AMMECR1: variants seen among roughly 807,000 people sequenced by gnomAD.
AMMECR1 encodes the protein AMMECR nuclear protein 1, also known as nuclear protein AMMECR1.
In AMMECR1, 3 loss-of-function variants were observed where a neutral mutation model predicts 22.5. That is an observed-to-expected ratio of 0.13 (90% CI 0.06 to 0.35). AMMECR1 has a LOEUF of 0.35. AMMECR1 is among the 10% of genes least tolerant of loss of function. The probability of loss-of-function intolerance (pLI) is 1.00; values close to 1 mark genes in which losing one functional copy is unlikely to be tolerated. For missense variants in AMMECR1, 235 were observed against 278.7 expected (o/e 0.84, Z 1.12); for synonymous variants, 130 against 116.7 (o/e 1.11, Z -0.74).
At chrX:110,382,326 G>GAAA (rs367625900) in intron 2 of AMMECR1, among the ~76,000 whole-genome samples, 2 of 105,461 alleles carry the variant, frequency 1.9e-5, no homozygotes, top group African/African-American at 6.9e-5. Context: ...AATTGTACAG[G>GAAA]AAAAAAAAAA....
chrX:110,313,942 G>A (rs2068035864), intron 1 of AMMECR1, among the ~76,000 whole-genome samples: 1 of 111,755 alleles, frequency 8.9e-6, no homozygotes, highest in Admixed American at 9.5e-5. Context: ...TCTCTCTCCA[G>A]AGGTTCTCAA....
At chrX:110,291,576 T>C (rs1167105895) in intron 1 of AMMECR1, among the ~76,000 whole-genome samples, 1 of 110,764 alleles carries the variant, frequency 9.0e-6, no homozygotes, top group Non-Finnish European at 1.9e-5. Context: ...TTGGGAGAGG[T>C]GATGACGGTT....
intron 1 of AMMECR1, among the ~76,000 whole-genome samples, chrX:110,438,311 A>G (rs989507263): frequency 8.9e-6 from 1 of 111,822 alleles, no homozygotes; most frequent in East Asian, 2.8e-4. Flanking sequence ...TTGGGAGCGG[A>G]TGGAGAGATT....
intron 2 of AMMECR1, among the ~76,000 whole-genome samples, chrX:110,395,188 C>T (rs1365051419): frequency 8.9e-6 from 1 of 112,239 alleles, no homozygotes; most frequent in Non-Finnish European, 1.9e-5. Flanking sequence ...CCTCTAAATT[C>T]CGAGGGTGCC....
rs148264633 is a variant in AMMECR1, at chrX:110,407,576, C to T, written c.-148+19082G>A. On this transcript the variant is annotated intron_variant, in intron 2 of 7. Transcript: ENST00000372057. ...TTTTCCAGGTGAGCAAACTGCAGCT[C>T]AGAGAGTCTAAGTGAATTTCTTTGT... Among the ~76,000 whole-genome samples, 405 of 112,316 alleles carry T rather than the reference C, an allele frequency of 3.6e-3. 1 individual carries two copies. Among genetic ancestry groups the T allele is most frequent in the South Asian group, 7.9e-3 (21 of 2,675 alleles).
upstream of AMMECR1, chrX:110,318,109 T>C: frequency 4.6e-6 from 5 of 1,081,503 alleles, no homozygotes; most frequent in East Asian, 3.6e-5. Context: ...TTCCGACCCA[T>C]AAGTGAGGCG....
chrX:110,266,488 T>C (rs2067769389), intron 1 of AMMECR1, among the ~76,000 whole-genome samples: 1 of 110,713 alleles, frequency 9.0e-6, no homozygotes, highest in South Asian at 3.9e-4. Flanking sequence ...GTTCAAGCAA[T>C]TCTCCTGCCT....
chrX:110,298,626 T>C (rs976824992), intron 1 of AMMECR1, among the ~76,000 whole-genome samples: 1 of 111,413 alleles, frequency 9.0e-6, no homozygotes, highest in Non-Finnish European at 1.9e-5. Context: ...TATGAGACTC[T>C]GGGTTTAGGA....
upstream of AMMECR1, among the ~76,000 whole-genome samples, chrX:110,320,558 C>T (rs749816906): frequency 1.8e-5 from 2 of 112,003 alleles, no homozygotes; most frequent in South Asian, 7.4e-4. Flanking sequence ...AAGAGTCTAA[C>T]GCCCCTACTC....
At chrX:110,414,144 TTCC>T (rs2068660831) in intron 2 of AMMECR1, among the ~76,000 whole-genome samples, 1 of 112,275 alleles carries the variant, frequency 8.9e-6, no homozygotes, top group Admixed American at 9.4e-5. Flanking sequence ...AACTGACAGT[TTCC>T]TCCTCTGTGC....
At chrX:110,215,672 T>C (rs1003039271) in intron 3 of AMMECR1, among the ~76,000 whole-genome samples, 1 of 112,358 alleles carries the variant, frequency 8.9e-6, no homozygotes, top group African/African-American at 3.2e-5. Flanking sequence ...TTCTTCATAC[T>C]TTCTATACAC....
At chrX:110,222,140 T>C (rs776933986) in intron 2 of AMMECR1, among the ~76,000 whole-genome samples, 2 of 97,602 alleles carry the variant, frequency 2.0e-5, no homozygotes, top group East Asian at 6.5e-4. Flanking sequence ...TAAAGACACA[T>C]GCACACGTAT....
chrX:110,409,781 G>C (rs773059158), intron 2 of AMMECR1, among the ~76,000 whole-genome samples: 5 of 111,252 alleles, frequency 4.5e-5, no homozygotes, highest in Non-Finnish European at 9.4e-5. Flanking sequence ...TAAGAGAATG[G>C]GCTCCCACTT....
chrX:110,409,599 C>T lies in AMMECR1; in HGVS notation c.-148+17059G>A, dbSNP rs1335477065. ...CCATTAGGATCTCAGGCTGTCTTGG[C>T]CTTCAGGCAGATCCAGCTCCCCCAT... is the stretch of plus-strand genomic sequence containing the variant. On this transcript the variant is annotated intron_variant, in intron 2 of 7. Coordinates refer to the AMMECR1 transcript ENST00000372057. 1.7e-4 allele frequency among the ~76,000 whole-genome samples: 19 copies of T among 110,573 alleles called. No homozygotes were observed. In the Admixed American group the frequency reaches 1.8e-3, roughly 11 times the overall value.
At chrX:110,393,222 C>G (rs146772330) in intron 2 of AMMECR1, among the ~76,000 whole-genome samples, 12,405 of 111,084 alleles carry the variant, frequency 0.11, 1,119 homozygotes, top group African/African-American at 0.3. Flanking sequence ...TTTTGGACCA[C>G]TTAACTTCCA....
intron 1 of AMMECR1, among the ~76,000 whole-genome samples, chrX:110,310,556 G>C (rs761769670): frequency 9.0e-6 from 1 of 111,571 alleles, no homozygotes; most frequent in South Asian, 3.8e-4. Flanking sequence ...GGGGAGGAGA[G>C]TTCTTATGCC....
chrX:110,239,083 A>G (rs1412055158), intron 2 of AMMECR1, among the ~76,000 whole-genome samples: 1 of 112,172 alleles, frequency 8.9e-6, no homozygotes, highest in African/African-American at 3.2e-5. Context: ...TAAATCCACA[A>G]AGAAGAGGAA....
At position 110,273,863 on chromosome X, in the gene AMMECR1, T is replaced by C. The variant is rs184036329; in HGVS notation, c.474-9264A>G. On this transcript the variant is annotated intron_variant, in intron 1 of 5. Coordinates refer to ENST00000262844, the MANE Select transcript of AMMECR1 (RefSeq NM_015365.3). The stretch of plus-strand genomic sequence containing the variant: ...GTCTATTTTTGTACCAGTATCATGC[T>C]GTTTTAGTTTCAGTTACTATAGCCT... Among the ~76,000 whole-genome samples, 224 of 112,512 alleles carry C rather than the reference T, an allele frequency of 2.0e-3. 2 individuals are homozygous for C. Among genetic ancestry groups the C allele is most frequent in the African/African-American group, 6.8e-3 (212 of 31,026 alleles).
upstream of AMMECR1, among the ~76,000 whole-genome samples, chrX:110,321,831 G>A (rs915123543): frequency 3.6e-5 from 4 of 111,792 alleles, no homozygotes; most frequent in Non-Finnish European, 7.5e-5. Context: ...TTGAACAACT[G>A]CAGAATGTAA....
Sources: allele counts gnomAD v4.1 joint callset (sites outside exome capture counted in the v4.1 genomes callset), GRCh38; gene constraint gnomAD v4.1.1; transcripts MANE v1.5; gene names NCBI Gene and HGNC (gene_info 2026-07-23, HGNC 2026-07-21).